MTX2: variants seen among roughly 807,000 people sequenced by gnomAD.
The protein encoded by MTX2 is metaxin-2.
Under a neutral mutation model 42.3 loss-of-function variants are expected in MTX2, and 35 were observed. That is an observed-to-expected ratio of 0.83 (90% CI 0.63 to 1.10). The LOEUF is 1.10. MTX2 is among the 50% of genes least tolerant of loss of function. MTX2 has a pLI of 0.00. For synonymous variants in MTX2, 119 were observed against 100.9 expected, an observed-to-expected ratio of 1.18 and a Z score of -1.08; for missense variants, 307 against 304.1, an observed-to-expected ratio of 1.01 and a Z score of -0.07.
intron 3 of MTX2, among the ~76,000 whole-genome samples, chr2:176,309,523 G>A (rs1051113415): frequency 8.5e-5 from 13 of 152,080 alleles, no homozygotes; most frequent in African/African-American, 3.1e-4. Context: ...TTGTGTGGGA[G>A]TCTAAGTCTC....
chr2:176,276,252 A>C (rs1031239682), intron 1 of MTX2, among the ~76,000 whole-genome samples: 2 of 152,230 alleles, frequency 1.3e-5, no homozygotes, highest in Non-Finnish European at 2.9e-5. Flanking sequence ...TTCAAGATAT[A>C]TACATTTGAT....
intron 3 of MTX2, among the ~76,000 whole-genome samples, chr2:176,316,744 G>A (rs759346592): frequency 6.6e-6 from 1 of 151,976 alleles, no homozygotes; most frequent in South Asian, 2.1e-4. Flanking sequence ...TCCGTTGATG[G>A]ATGCGTCACA....
chr2:176,272,899 G>A (rs1692856832), intron 1 of MTX2, among the ~76,000 whole-genome samples: 3 of 152,144 alleles, frequency 2.0e-5, no homozygotes. Flanking sequence ...GTTTTGCCAA[G>A]AAGTGAAAAC....
intron 1 of MTX2, among the ~76,000 whole-genome samples, chr2:176,290,277 A>G (rs1168499793): frequency 6.6e-6 from 1 of 151,990 alleles, no homozygotes; most frequent in African/African-American, 2.4e-5. Flanking sequence ...CATGTTAGGG[A>G]GGTAGTAGGC....
rs150449616 is a variant in MTX2, at chr2:176,296,128, T to C, written c.41-732T>C. 5.3e-4 allele frequency among the ~76,000 whole-genome samples: 81 copies of C among 152,306 alleles called. 2 individuals are homozygous for C. In the East Asian group the frequency reaches 0.012, roughly 23 times the overall value. The stretch of plus-strand genomic sequence containing the variant: ...ACACTGGGAGGTTGGTAATATTCTC[T>C]TTGTAGCTGCAGTCTTCTCTGGATG... On this transcript the variant is annotated intron_variant, in intron 1 of 9. Transcript: ENST00000249442.
At chr2:176,269,789 G>GT in intron 1 of MTX2, 120 bp downstream of exon 1, 1 of 1,229,886 alleles carries the variant, frequency 8.1e-7, no homozygotes, top group Non-Finnish European at 1.1e-6. Context: ...GGCCCGGATG[G>GT]TGGAGGCGGG....
At position 176,337,583 on chromosome 2, in the gene MTX2, A is replaced by G. The variant is rs1685025349; in HGVS notation, c.711A>G (p.Lys237=). 1 of 1,613,606 alleles carries G rather than the reference A, an allele frequency of 6.2e-7. No individual in the cohort carries two copies. The highest frequency in any genetic ancestry group is 2.2e-5 in the East Asian group (1 of 44,850). Residue 237 remains lysine, a synonymous_variant, in exon 10 of 10, where the codon AAA becomes AAG. Transcript: ENST00000249442. ...LTNDELSEKV[K]NYSNLLAFCR... is the part of the protein sequence containing the mutation. ...ATGATGAACTTTCTGAGAAGGTGAA[A>G]AACTATAGCAACCTCCTTGCTTTCT...
At chr2:176,326,620 C>G (rs1036160055) in intron 4 of MTX2, among the ~76,000 whole-genome samples, 2 of 151,376 alleles carry the variant, frequency 1.3e-5, no homozygotes, top group African/African-American at 4.8e-5. Flanking sequence ...ATGAATTTAC[C>G]TGTTCTTTTT....
chr2:176,275,880 A>C (rs1692935632), intron 1 of MTX2, among the ~76,000 whole-genome samples: 1 of 152,166 alleles, frequency 6.6e-6, no homozygotes, highest in Non-Finnish European at 1.5e-5. Context: ...GAAGGGAGAG[A>C]GGTGTTGAGC....
chr2:176,329,354 G>A lies in MTX2; in HGVS notation c.471G>A (p.Leu157=), dbSNP rs773540891. ...SPYPWPLNHI[L]AYQKQWEVKR... ...ACCCTTGGCCTCTGAATCATATTTT[G>A]GCCTATCAAAAACAGTGGGAAGTCA... Residue 157 remains leucine, a synonymous_variant, in exon 8 of 10, where the codon TTG becomes TTA. Coordinates refer to ENST00000249442, the MANE Select transcript of MTX2 (RefSeq NM_006554.5). 6.2e-7 allele frequency: 1 copy of A among 1,607,572 alleles called. No homozygotes were observed. Among genetic ancestry groups the A allele is most frequent in the South Asian group, 1.1e-5 (1 of 90,790 alleles).
At chr2:176,296,008 A>G (rs1025834011) in intron 1 of MTX2, among the ~76,000 whole-genome samples, 2 of 152,194 alleles carry the variant, frequency 1.3e-5, no homozygotes, top group African/African-American at 2.4e-5. Context: ...GAATCCAGCA[A>G]GTGATATCCT....
Position 176,337,558 on chromosome 2 carries a change from A to G in MTX2, c.686A>G (p.Asn229Ser), listed in dbSNP as rs371161600. 5 of 1,613,486 alleles carry G rather than the reference A, an allele frequency of 3.1e-6. No individual in the cohort carries two copies. The highest frequency in any genetic ancestry group is 3.4e-6 in the Non-Finnish European group (4 of 1,179,566). ...LYTILTTQLT[N>S]DELSEKVKNY... ...ACCATTCTTACCACACAATTGACAA[A>G]TGATGAACTTTCTGAGAAGGTGAAA... is the stretch of plus-strand genomic sequence containing the variant. The change falls in exon 10 of 10, where the codon AAT (asparagine) becomes AGT (serine). Residue 229 changes from asparagine (N) to serine (S), a missense_variant. Transcript: ENST00000249442.
intron 5 of MTX2, among the ~76,000 whole-genome samples, chr2:176,327,597 C>T (rs1684740408): frequency 1.3e-5 from 2 of 149,024 alleles, no homozygotes; most frequent in South Asian, 4.2e-4. Flanking sequence ...CTTCAACACC[C>T]TCCCCCTGTA....
At chr2:176,280,100 T>G (rs1450531941) in intron 1 of MTX2, among the ~76,000 whole-genome samples, 2 of 152,150 alleles carry the variant, frequency 1.3e-5, no homozygotes, top group Non-Finnish European at 2.9e-5. Context: ...TTTAGGTCAG[T>G]TTTTAAAGAT....
At chr2:176,335,630 G>C (rs893445924) in intron 9 of MTX2, among the ~76,000 whole-genome samples, 1 of 152,052 alleles carries the variant, frequency 6.6e-6, no homozygotes, top group African/African-American at 2.4e-5. Context: ...TGTCTCACCA[G>C]ACTTGCTAAT....
At chr2:176,286,006 C>A (rs1693191019) in intron 1 of MTX2, among the ~76,000 whole-genome samples, 1 of 152,142 alleles carries the variant, frequency 6.6e-6, no homozygotes, top group African/African-American at 2.4e-5. Flanking sequence ...TTTTTGATTT[C>A]TCCACATTTG....
chr2:176,269,946 TGA>T (rs1692758104), intron 1 of MTX2, among the ~76,000 whole-genome samples: 1 of 151,958 alleles, frequency 6.6e-6, no homozygotes, highest in African/African-American at 2.4e-5. Flanking sequence ...TGCTGGAGTA[TGA>T]GGGGGAGGCC....
At chr2:176,301,424 T>C (rs1684020785) in intron 3 of MTX2, among the ~76,000 whole-genome samples, 1 of 152,152 alleles carries the variant, frequency 6.6e-6, no homozygotes, top group East Asian at 1.9e-4. Context: ...TATTAACCCA[T>C]TTAATCCTTA....
chr2:176,280,056 T>C (rs1693041554), intron 1 of MTX2, among the ~76,000 whole-genome samples: 1 of 152,208 alleles, frequency 6.6e-6, no homozygotes. Context: ...TTCTCTTTTG[T>C]TTCCTCAATC....
Sources: gnomAD v4.1 joint callset for allele counts (sites outside exome capture counted in the v4.1 genomes callset) on GRCh38, gnomAD v4.1.1 for gene constraint, MANE v1.5 for transcripts, NCBI Gene and HGNC (gene_info 2026-07-23, HGNC 2026-07-21) for gene names.